ERP44: variants seen among roughly 807,000 people sequenced by gnomAD.
ERP44 encodes endoplasmic reticulum protein 44, also known as endoplasmic reticulum resident protein 44.
A neutral mutation model predicts 53.4 loss-of-function variants in ERP44; 25 were observed. That is an observed-to-expected ratio of 0.47 (90% CI 0.34 to 0.65). ERP44 has a LOEUF of 0.65. ERP44 is among the 30% of genes least tolerant of loss of function. ERP44 has a pLI of 0.01. For missense variants in ERP44, 338 were observed against 493.2 expected (o/e 0.69, Z 2.98); for synonymous variants, 145 against 161.2 (o/e 0.90, Z 0.76).
intron 3 of ERP44, among the ~76,000 whole-genome samples, chr9:100,056,399 G>A (rs1016465873): frequency 1.1e-4 from 16 of 152,110 alleles, no homozygotes; most frequent in African/African-American, 3.4e-4. Context: ...CATTCATTCA[G>A]TAGACATTAT....
chr9:100,034,983 C>G (rs1825836512), intron 4 of ERP44, among the ~76,000 whole-genome samples: 1 of 152,154 alleles, frequency 6.6e-6, no homozygotes, highest in Non-Finnish European at 1.5e-5. Context: ...AGAAGACTCT[C>G]TATTCAATAA....
chr9:100,040,152 T>A lies in ERP44; in HGVS notation c.286+12265A>T, dbSNP rs147705047. On this transcript the variant is annotated intron_variant, in intron 4 of 11. Transcript: ENST00000262455. ...TTCCAAAAAACAAAGGAGGAGGGAATACTTCCAGACTTATTCTATGAGAAC... is the reference window on the plus strand; with the variant it reads ...TTCCAAAAAACAAAGGAGGAGGGAAAACTTCCAGACTTATTCTATGAGAAC... Among the ~76,000 whole-genome samples, 5 of 152,228 alleles carry A rather than the reference T, an allele frequency of 3.3e-5. No individual in the cohort carries two copies. In the East Asian group the frequency reaches 9.7e-4, roughly 29 times the overall value.
chr9:100,032,423 C>A (rs1825801761), intron 4 of ERP44, among the ~76,000 whole-genome samples: 1 of 152,152 alleles, frequency 6.6e-6, no homozygotes. Context: ...CCTAATTAAT[C>A]TTTTAGATAT....
intron 1 of ERP44, among the ~76,000 whole-genome samples, chr9:100,061,492 ATATATATTTATAGAAATG>A (rs1475745830): frequency 6.1e-5 from 9 of 147,238 alleles, no homozygotes; most frequent in South Asian, 4.2e-4. Flanking sequence ...ATATGTATAA[ATATATATTTATAGAAATG>A]TATATATTTA....
At position 99,999,465 on chromosome 9, in the gene ERP44, A is replaced by G. The variant is rs180967347; in HGVS notation, c.1016+7041T>C. On this transcript the variant is annotated intron_variant, in intron 10 of 11. Transcript: ENST00000262455. ...ATGTTGAGCACTTTTTCATATACCT[A>G]TTGGCCGCTTGTGTGTCTTATTTTG... 1.4e-3 allele frequency among the ~76,000 whole-genome samples: 212 copies of G among 152,150 alleles called. 1 individual carries two copies. Among genetic ancestry groups the G allele is most frequent in the Non-Finnish European group, 1.5e-4 (10 of 68,002 alleles).
At chr9:99,999,045 C>G in intron 10 of ERP44, 1 of 815,152 alleles carries the variant, frequency 1.2e-6, no homozygotes, top group Non-Finnish European at 2.1e-6. Context: ...TGGTGAGGCC[C>G]GGGGCAGGAG....
intron 8 of ERP44, among the ~76,000 whole-genome samples, chr9:100,011,764 C>T (rs1374451000): frequency 1.3e-5 from 2 of 152,070 alleles, no homozygotes; most frequent in African/African-American, 4.8e-5. Context: ...AAAAATAACA[C>T]TGAAAAAAGC....
At chr9:100,017,876 T>G (rs932825973) in intron 7 of ERP44, among the ~76,000 whole-genome samples, 3 of 152,144 alleles carry the variant, frequency 2.0e-5, no homozygotes, top group Non-Finnish European at 2.9e-5. Context: ...CCCAGAAGAT[T>G]TGGGAGTTTG....
intron 10 of ERP44, 106 bp from the exon 11 acceptor site, chr9:99,985,175 C>A: frequency 1.5e-6 from 1 of 677,278 alleles, no homozygotes; most frequent in Non-Finnish European, 2.6e-6. Context: ...GTCCCACCAT[C>A]CTACCACAAC....
chr9:100,094,773 G>A (rs1467964062), intron 1 of ERP44, among the ~76,000 whole-genome samples: 1 of 151,702 alleles, frequency 6.6e-6, no homozygotes, highest in Non-Finnish European at 1.5e-5. Flanking sequence ...ACCAGCCTGG[G>A]TAATATAGTG....
rs746130139 is a variant in ERP44, at chr9:100,052,455, T to C, written c.248A>G (p.Asn83Ser). ...ATCAACTCTGGCAAACACTACTTGA[T>C]TTTCATTTGGAAATTCTTCCTTAAT... ...DVIKEEFPNE[N>S]QVVFARVDCD... Residue 83 changes from asparagine (N) to serine (S), a missense_variant, in exon 4 of 12, where the codon AAT becomes AGT. Physicochemically the swap from Asn to Ser is conservative, Grantham distance 46. Around this residue, in one of 3 missense-constraint regions of ERP44, gnomAD observed 224 missense variants for 301.4 expected, o/e 0.74. Coordinates refer to ENST00000262455, the MANE Select transcript of ERP44 (RefSeq NM_015051.3). 3.7e-6 allele frequency: 6 copies of C among 1,612,542 alleles called. No homozygotes were observed. Among genetic ancestry groups the C allele is most frequent in the Non-Finnish European group, 5.1e-6 (6 of 1,179,270 alleles).
intron 1 of ERP44, among the ~76,000 whole-genome samples, chr9:100,074,719 C>T (rs1011616548): frequency 1.3e-5 from 2 of 152,176 alleles, no homozygotes; most frequent in Admixed American, 1.3e-4. Context: ...GGGAAATAAT[C>T]AGACATTTTG....
Position 99,992,992 on chromosome 9 carries a change from C to T in ERP44, c.1017-7923G>A, listed in dbSNP as rs192103847. ...GACCTCTTCAAGGAGAACTACAAAC[C>T]ACTGCTCAACGAATTAAAAGAGGAC... On this transcript the variant is annotated intron_variant, in intron 10 of 11. Transcript: ENST00000262455. Among the ~76,000 whole-genome samples, 697 of 152,242 alleles carry T rather than the reference C, an allele frequency of 4.6e-3. 7 individuals carry two copies. The highest frequency in any genetic ancestry group is 0.016 in the African/African-American group (654 of 41,520).
intron 1 of ERP44, among the ~76,000 whole-genome samples, chr9:100,089,137 T>A (rs948831681): frequency 2.6e-5 from 4 of 152,220 alleles, no homozygotes; most frequent in Non-Finnish European, 5.9e-5. Flanking sequence ...ATGTGAATCA[T>A]CCTTTTGTCC....
rs553743580 is a variant in ERP44 at position 100,086,318 on chromosome 9, T to G, written c.57+12466A>C. 5.9e-5 allele frequency among the ~76,000 whole-genome samples: 9 copies of G among 152,330 alleles called. No individual in the cohort carries two copies. In the South Asian group the frequency reaches 1.9e-3, roughly 32 times the overall value. ...TATTTTGATAAGGCTATGTCATAACTTACCAAAGGAAAGAGACAAGTTAAC... is the reference window on the plus strand; with the variant it reads ...TATTTTGATAAGGCTATGTCATAACGTACCAAAGGAAAGAGACAAGTTAAC... On this transcript the variant is annotated intron_variant, in intron 1 of 11. Transcript: ENST00000262455.
chr9:100,009,787 C>A (rs1830454489), intron 8 of ERP44, among the ~76,000 whole-genome samples: 1 of 152,192 alleles, frequency 6.6e-6, no homozygotes, highest in Non-Finnish European at 1.5e-5. Context: ...ATACTCAAAA[C>A]TAATGCCTAG....
chr9:100,006,684 T>A (rs760432282), intron 9 of ERP44, 37 bp from the exon 10 acceptor site: 2 of 1,457,246 alleles, frequency 1.4e-6, no homozygotes, highest in Admixed American at 4.6e-5. Context: ...TAAATTCAAA[T>A]TTTCTTGAAA....
chr9:100,086,607 C>T (rs558564031), intron 1 of ERP44, among the ~76,000 whole-genome samples: 5 of 152,344 alleles, frequency 3.3e-5, no homozygotes, highest in African/African-American at 9.6e-5. Flanking sequence ...ATCTCAATCT[C>T]ACAATCTTGC....
chr9:99,987,469 T>G (rs1830207072), intron 10 of ERP44, among the ~76,000 whole-genome samples: 1 of 152,228 alleles, frequency 6.6e-6, no homozygotes, highest in Non-Finnish European at 1.5e-5. Flanking sequence ...GACACAAAAT[T>G]TTGACATAGT....
Sources: gnomAD v4.1 joint callset for allele counts (sites outside exome capture counted in the v4.1 genomes callset) on GRCh38, gnomAD v4.1.1 for gene constraint, gnomAD v4.1.1 regional missense constraint, MANE v1.5 for transcripts, NCBI Gene and HGNC (gene_info 2026-07-23, HGNC 2026-07-21) for gene names.